CDKAL1: variants seen among roughly 807,000 people sequenced by gnomAD.
The protein encoded by CDKAL1 is threonylcarbamoyladenosine tRNA methylthiotransferase.
Under a neutral mutation model 68.2 loss-of-function variants are expected in CDKAL1, and 32 were observed. The ratio of observed to expected loss-of-function variants is 0.47; its 90% CI spans 0.35 to 0.63. CDKAL1 has a LOEUF of 0.63. Ranked by LOEUF, CDKAL1 falls within the 30% of genes least tolerant of loss-of-function variation. The pLI, the probability that CDKAL1 is intolerant of heterozygous loss-of-function variation, is 0.00. For missense variants in CDKAL1, 606 were observed against 696.7 expected (o/e 0.87, Z 1.47); for synonymous variants, 234 against 244.3 (o/e 0.96, Z 0.39).
chr6:20,968,601 C>G (rs1007560381), intron 10 of CDKAL1, among the ~76,000 whole-genome samples: 1 of 151,808 alleles, frequency 6.6e-6, no homozygotes, highest in Admixed American at 6.6e-5. Flanking sequence ...TTAATTTTTT[C>G]TTTCTATTCC....
chr6:20,696,067 A>G (rs1340453685), intron 5 of CDKAL1, among the ~76,000 whole-genome samples: 3 of 152,230 alleles, frequency 2.0e-5, no homozygotes, highest in African/African-American at 7.2e-5. Context: ...TGTAAAAGCC[A>G]TTGCCACATT....
chr6:20,874,783 A>G (rs1017770209), intron 9 of CDKAL1, among the ~76,000 whole-genome samples: 14 of 151,804 alleles, frequency 9.2e-5, no homozygotes, highest in Non-Finnish European at 1.8e-4. Flanking sequence ...GATTACAGAC[A>G]TGAGCCACCG....
intron 10 of CDKAL1, among the ~76,000 whole-genome samples, chr6:20,978,709 G>T (rs1322170972): frequency 2.0e-5 from 3 of 152,036 alleles, no homozygotes; most frequent in Non-Finnish European, 2.9e-5. Context: ...TGGCCTGTAG[G>T]AATTTTTCAT....
At chr6:20,849,427 C>G (rs1404475444) in intron 9 of CDKAL1, among the ~76,000 whole-genome samples, 1 of 151,774 alleles carries the variant, frequency 6.6e-6, no homozygotes, top group Non-Finnish European at 1.5e-5. Flanking sequence ...ACTAAAACTA[C>G]AAAAAATTAG....
At chr6:20,758,095 G>A (rs1354376727) in intron 6 of CDKAL1, among the ~76,000 whole-genome samples, 1 of 144,262 alleles carries the variant, frequency 6.9e-6, no homozygotes, top group Non-Finnish European at 1.5e-5. Flanking sequence ...ATTTGACTTT[G>A]TATTTCATGG....
chr6:21,060,265 G>A (rs1771072910), intron 11 of CDKAL1, among the ~76,000 whole-genome samples: 1 of 152,016 alleles, frequency 6.6e-6, no homozygotes. Flanking sequence ...TTCTTCTTGA[G>A]TCCATTTTCA....
intron 4 of CDKAL1, among the ~76,000 whole-genome samples, chr6:20,563,960 C>T (rs1286365307): frequency 6.6e-6 from 1 of 152,034 alleles, no homozygotes; most frequent in Non-Finnish European, 1.5e-5. Context: ...AATTTTAAGC[C>T]AGCGATGGCT....
Position 21,065,218 on chromosome 6 carries a change from C to G in CDKAL1, c.1226C>G (p.Pro409Arg), listed in dbSNP as rs77152992. ...GTPAAKMEQV[P>R]AQVKKQRTKD... is the part of the protein sequence containing the mutation. ...CCTGCTGCAAAAATGGAACAAGTTC[C>G]AGCACAAGTGGTAAGATCTTTTTCT... Residue 409 changes from proline to arginine, a missense_variant, in exon 12 of 16, where the codon CCA becomes CGA. By Grantham distance (103) the Pro-to-Arg change is moderately radical. Coordinates refer to ENST00000274695, the MANE Select transcript of CDKAL1 (RefSeq NM_017774.3). 1.9e-6 allele frequency: 3 copies of G among 1,605,332 alleles called. No individual in the cohort carries two copies. The South Asian group carries it at 3.4e-5, about 18-fold the overall frequency.
intron 11 of CDKAL1, among the ~76,000 whole-genome samples, chr6:21,063,341 T>C (rs886866964): frequency 1.3e-5 from 2 of 152,244 alleles, no homozygotes; most frequent in African/African-American, 2.4e-5. Flanking sequence ...GTTATTGTTA[T>C]ACTATTAAAA....
At chr6:20,916,978 T>C (rs1762750691) in intron 9 of CDKAL1, among the ~76,000 whole-genome samples, 1 of 152,122 alleles carries the variant, frequency 6.6e-6, no homozygotes, top group Non-Finnish European at 1.5e-5. Context: ...TGTCTTTTTG[T>C]TTGTTTTTGT....
Position 20,925,595 on chromosome 6 carries a change from T to C in CDKAL1, c.743-29824T>C, listed in dbSNP as rs147294068. Reference sequence around the variant, plus strand: ...AGAATACATCTGATAATTTAGGGAATTTAGTGATTATGTAAAAGCATTTTA... The same window carrying C: ...AGAATACATCTGATAATTTAGGGAACTTAGTGATTATGTAAAAGCATTTTA... On this transcript the variant is annotated intron_variant, in intron 9 of 15. Coordinates refer to ENST00000274695, the MANE Select transcript of CDKAL1 (RefSeq NM_017774.3). 5.9e-3 allele frequency among the ~76,000 whole-genome samples: 902 copies of C among 152,298 alleles called. 4 individuals are homozygous for C. The highest frequency in any genetic ancestry group is 0.011 in the Non-Finnish European group (721 of 67,994).
chr6:21,011,149 C>T (rs1026378662), intron 11 of CDKAL1, among the ~76,000 whole-genome samples: 3 of 149,964 alleles, frequency 2.0e-5, no homozygotes, highest in African/African-American at 4.9e-5. Context: ...GAGGCCAAGG[C>T]GGGTGGATCA....
At chr6:20,586,978 GTT>G (rs750210435) in intron 4 of CDKAL1, among the ~76,000 whole-genome samples, 1 of 44,452 alleles carries the variant, frequency 2.2e-5, no homozygotes, top group African/African-American at 9.5e-5. Flanking sequence ...TCCTCCAGGT[GTT>G]TTTTTTTTTT....
At chr6:20,955,101 T>C (rs7775523) in intron 9 of CDKAL1, among the ~76,000 whole-genome samples, 41,896 of 152,050 alleles carry the variant, frequency 0.28, 6,354 homozygotes, top group Middle Eastern at 0.34. Context: ...AAAATAGGTA[T>C]TCTCTGAGGT....
At chr6:21,184,677 G>T (rs975684123) in intron 13 of CDKAL1, among the ~76,000 whole-genome samples, 6 of 151,750 alleles carry the variant, frequency 4.0e-5, no homozygotes, top group Non-Finnish European at 7.4e-5. Context: ...TTTGAGACAG[G>T]GTCTCACTCT....
At chr6:20,995,783 A>G (rs887202524) in intron 10 of CDKAL1, among the ~76,000 whole-genome samples, 1 of 152,130 alleles carries the variant, frequency 6.6e-6, no homozygotes, top group South Asian at 2.1e-4. Flanking sequence ...ATCCCCTAAC[A>G]AGAGAGTCAG....
At chr6:21,215,201 C>G in intron 15 of CDKAL1, among the ~76,000 whole-genome samples, 1 of 152,210 alleles carries the variant, frequency 6.6e-6, no homozygotes. Flanking sequence ...GTGGGTGAAT[C>G]AGCCCTGCTC....
At chr6:21,143,916 C>T (rs1379952461) in intron 13 of CDKAL1, among the ~76,000 whole-genome samples, 3 of 151,932 alleles carry the variant, frequency 2.0e-5, no homozygotes, top group Non-Finnish European at 4.4e-5. Context: ...GTGCATCTCA[C>T]GATACTGAGT....
chr6:20,907,897 G>GTCCA (rs1762301855), intron 9 of CDKAL1, among the ~76,000 whole-genome samples: 1 of 152,150 alleles, frequency 6.6e-6, no homozygotes, highest in Non-Finnish European at 1.5e-5. Flanking sequence ...GGTCAATAGG[G>GTCCA]TCCACTGGGG....
Sources: allele counts gnomAD v4.1 joint callset (sites outside exome capture counted in the v4.1 genomes callset), GRCh38; gene constraint gnomAD v4.1.1; transcripts MANE v1.5; gene names NCBI Gene and HGNC (gene_info 2026-07-23, HGNC 2026-07-21).